ADAMTS9: variants seen among roughly 807,000 people sequenced by gnomAD.
The protein encoded by ADAMTS9 is A disintegrin and metalloproteinase with thrombospondin motifs 9.
Under a neutral mutation model 257.1 loss-of-function variants are expected in ADAMTS9, and 107 were observed. That is an observed-to-expected ratio of 0.42 (90% CI 0.36 to 0.49). The LOEUF (loss-of-function observed/expected upper bound fraction) is 0.49. ADAMTS9 is among the 20% of genes least tolerant of loss of function. The pLI is 0.03. For missense variants in ADAMTS9, 2,353 were observed against 2,469.1 expected (o/e 0.95, Z 1.00); for synonymous variants, 982 against 880.9 (o/e 1.11, Z -2.03).
intron 3 of ADAMTS9, among the ~76,000 whole-genome samples, chr3:64,670,148 G>T (rs1701451845): frequency 6.6e-6 from 1 of 151,656 alleles, no homozygotes; most frequent in Non-Finnish European, 1.5e-5. Flanking sequence ...CAGTCTCATT[G>T]TCCCTCTGGC....
intron 2 of ADAMTS9, 89 bp from the exon 3 acceptor site, chr3:64,681,452 G>A (rs1701754507): frequency 1.5e-6 from 2 of 1,375,740 alleles, no homozygotes; most frequent in Non-Finnish European, 2.0e-6. Context: ...AGTAGAGATG[G>A]TGTCATTTTA....
At chr3:64,522,697 T>A (rs2082868570) in intron 38 of ADAMTS9, among the ~76,000 whole-genome samples, 2 of 152,066 alleles carry the variant, frequency 1.3e-5, no homozygotes, top group Non-Finnish European at 2.9e-5. Context: ...GCACAACAAA[T>A]CACAGTGACA....
At chr3:64,579,800 GTC>G (rs1307992509) in intron 28 of ADAMTS9, among the ~76,000 whole-genome samples, 180 of 152,278 alleles carry the variant, frequency 1.2e-3, no homozygotes, top group Non-Finnish European at 1.6e-3. Context: ...GCTGTCTCCT[GTC>G]TCTTATATCC....
chr3:64,642,863 G>T (rs1166745463), intron 11 of ADAMTS9, among the ~76,000 whole-genome samples: 1 of 152,178 alleles, frequency 6.6e-6, no homozygotes, highest in Admixed American at 6.5e-5. Context: ...ACCAAGAGGG[G>T]AGAGGCAGAG....
At chr3:64,579,364 T>C (rs1232564782) in intron 28 of ADAMTS9, among the ~76,000 whole-genome samples, 1 of 152,220 alleles carries the variant, frequency 6.6e-6, no homozygotes, top group African/African-American at 2.4e-5. Flanking sequence ...AACCTCCTTT[T>C]AATTAATTTA....
rs138123437 is a variant in ADAMTS9 at position 64,613,198 on chromosome 3, A to T, written c.3354+147T>A. The T allele has an allele frequency of 8.8e-6, 8 of 906,796 alleles. No homozygotes were observed. The African/African-American group carries it at 1.0e-4, about 12-fold the overall frequency. 56.2% of individuals were successfully genotyped at this position (906,796 alleles called of 1,614,324 possible). On this transcript the variant is annotated intron_variant, in intron 22 of 39. Coordinates refer to ENST00000498707, the MANE Select transcript of ADAMTS9 (RefSeq NM_182920.2). ...AGGGGGGCAAAATGGTTGCAGAGTT[A>T]CATGTGCTTGATCCAGTGCCATGGA...
At chr3:64,636,866 C>A (rs1462752946) in intron 12 of ADAMTS9, among the ~76,000 whole-genome samples, 1 of 152,116 alleles carries the variant, frequency 6.6e-6, no homozygotes, top group Non-Finnish European at 1.5e-5. Flanking sequence ...TACTATTTGG[C>A]CCTGATGGAA....
rs368123882 is a variant in ADAMTS9 at position 64,641,812 on chromosome 3, A to G, written c.1856+36T>C. 6.3e-5 allele frequency: 101 copies of G among 1,607,916 alleles called. 1 individual carries two copies. The South Asian group carries it at 1.1e-3, about 17-fold the overall frequency. ...CCTTTAGGAATTTCATGTTCCTGCC[A>G]CGGCAGTAATAACAGTTATACATTC... is the stretch of plus-strand genomic sequence containing the variant. On this transcript the variant is annotated intron_variant, in intron 12 of 39. Transcript: ENST00000498707.
chr3:64,561,566 G>A lies in ADAMTS9; in HGVS notation c.4698+12C>T. 1.2e-6 allele frequency: 2 copies of A among 1,609,522 alleles called. No homozygotes were observed. The highest frequency in any genetic ancestry group is 1.3e-5 in the African/African-American group (1 of 74,932). ...AAATGCCTGGCAGGTACCCCTTTGT[G>A]GCTCTACTTACTTCTTGCCATTCCT... On this transcript the variant is annotated intron_variant, in intron 30 of 39. Transcript: ENST00000498707.
intron 25 of ADAMTS9, among the ~76,000 whole-genome samples, chr3:64,603,420 A>T (rs2084501180): frequency 2.2e-5 from 1 of 46,372 alleles, no homozygotes; most frequent in Non-Finnish European, 3.6e-5. Context: ...TTCTACTTGT[A>T]AAAAAACCCA....
intron 28 of ADAMTS9, among the ~76,000 whole-genome samples, chr3:64,574,001 G>A (rs2083766123): frequency 6.6e-6 from 1 of 152,156 alleles, no homozygotes; most frequent in Admixed American, 6.5e-5. Context: ...CCACACTGTA[G>A]TCAGTCAGCA....
At chr3:64,673,391 A>C (rs1701537813) in intron 3 of ADAMTS9, among the ~76,000 whole-genome samples, 1 of 152,146 alleles carries the variant, frequency 6.6e-6, no homozygotes, top group South Asian at 2.1e-4. Flanking sequence ...AATCCTTGCA[A>C]CTGCAGCCTG....
At chr3:64,574,669 G>T (rs80318333) in intron 28 of ADAMTS9, among the ~76,000 whole-genome samples, 13,290 of 151,924 alleles carry the variant, frequency 0.087, 743 homozygotes, top group East Asian at 0.24. Flanking sequence ...GGGGTTTGGG[G>T]TTAGTGAGCT....
At chr3:64,544,415 G>A (rs1001230170) in intron 32 of ADAMTS9, among the ~76,000 whole-genome samples, 7 of 152,076 alleles carry the variant, frequency 4.6e-5, no homozygotes, top group African/African-American at 1.7e-4. Flanking sequence ...CCAAAATAGA[G>A]ACATAGACCA....
At position 64,602,017 on chromosome 3, in the gene ADAMTS9, C is replaced by T. The variant is rs771279906; in HGVS notation, c.3944G>A (p.Arg1315His). ...AQHPFQNEDY[R>H]PRSASPSRTH... Reference sequence around the variant, plus strand: ...GCGGCTGGGGCTGGCGCTCCGGGGACGATAGTCCTCATTTTGGAAGGGGTG... The same window carrying T: ...GCGGCTGGGGCTGGCGCTCCGGGGATGATAGTCCTCATTTTGGAAGGGGTG... Residue 1315 changes from arginine (R) to histidine (H), a missense_variant, in exon 26 of 40, where the codon CGT (arginine) becomes CAT (histidine). Physicochemically the swap from Arg to His is conservative, Grantham distance 29. Transcript: ENST00000498707. 1.0e-4 allele frequency: 164 copies of T among 1,613,808 alleles called. No individual in the cohort carries two copies. The highest frequency in any genetic ancestry group is 2.1e-4 in the South Asian group (19 of 91,038).
rs560854337 is a variant in ADAMTS9, at chr3:64,597,000, A to T, written c.4018-9T>A. The T allele has an allele frequency of 6.2e-7, 1 of 1,613,708 alleles. No homozygotes were observed. The highest frequency in any genetic ancestry group is 1.3e-5 in the African/African-American group (1 of 75,036). On this transcript the variant is annotated splice_polypyrimidine_tract_variant and intron_variant, in intron 26 of 39. Coordinates refer to ENST00000498707, the MANE Select transcript of ADAMTS9 (RefSeq NM_182920.2). ...GCACAGGTACTGGAACACTAAACAC[A>T]TCAGTCGACAAGTTAATCCCCACCT...
At chr3:64,593,276 G>C (rs2084295637) in intron 28 of ADAMTS9, among the ~76,000 whole-genome samples, 1 of 152,108 alleles carries the variant, frequency 6.6e-6, no homozygotes. Flanking sequence ...AATGTCAACA[G>C]GTATTAACCA....
chr3:64,592,187 A>C (rs1190081210), intron 28 of ADAMTS9, among the ~76,000 whole-genome samples: 1 of 152,240 alleles, frequency 6.6e-6, no homozygotes, highest in Non-Finnish European at 1.5e-5. Context: ...CACAATTAAA[A>C]GCCTTGCAGA....
intron 22 of ADAMTS9, among the ~76,000 whole-genome samples, chr3:64,607,326 C>T (rs2084576987): frequency 6.6e-6 from 1 of 152,194 alleles, no homozygotes; most frequent in Non-Finnish European, 1.5e-5. Flanking sequence ...AACTCATTAA[C>T]TGTGAACTCC....
Sources: gnomAD v4.1 joint callset for allele counts (sites outside exome capture counted in the v4.1 genomes callset) on GRCh38, gnomAD v4.1.1 for gene constraint, MANE v1.5 for transcripts, NCBI Gene and HGNC (gene_info 2026-07-23, HGNC 2026-07-21) for gene names.